Variants in GRIA3 observed in about 807,000 individuals in gnomAD.
The protein encoded by GRIA3 is glutamate ionotropic receptor AMPA type subunit 3.
In GRIA3, 3 loss-of-function variants were observed where a neutral mutation model predicts 63.0. The observed-to-expected ratio is 0.05, with a 90% CI of 0.02 to 0.12. The LOEUF (loss-of-function observed/expected upper bound fraction) is 0.12. Among genes scored for constraint, GRIA3 ranks in the 10% least tolerant of loss-of-function variants. The pLI, the probability that GRIA3 is intolerant of heterozygous loss-of-function variation, is 1.00. For synonymous variants in GRIA3, 274 were observed against 257.9 expected (o/e 1.06, Z -0.60); for missense variants, 347 against 700.9 (o/e 0.50, Z 5.70).
In GRIA3 at chrX:123,240,483, C is replaced by A. The variant is rs1164763903; in HGVS notation, c.269-12820C>A. Among the ~76,000 whole-genome samples the A allele has an allele frequency of 2.7e-5, 3 of 111,691 alleles. No individual in the cohort carries two copies. In the South Asian group the frequency reaches 1.1e-3, roughly 42 times the overall value. ...CCAATCCTGGGTATTGTGAAGATGG[C>A]TTTTCAAGAGTTGCTGTCCATCAGG... On this transcript the variant is annotated intron_variant, in intron 2 of 15. Transcript: ENST00000620443.
intron 2 of GRIA3, among the ~76,000 whole-genome samples, chrX:123,203,308 G>A (rs1927795294): frequency 9.0e-6 from 1 of 111,559 alleles, no homozygotes; most frequent in Non-Finnish European, 1.9e-5. Context: ...ATGCGTTATG[G>A]AAGAAAAAAA....
chrX:123,184,295 C>A lies in GRIA3; in HGVS notation c.-241C>A, dbSNP rs1927179263. The A allele has an allele frequency of 4.8e-5, 19 of 393,905 alleles. No homozygotes were observed. The highest frequency in any genetic ancestry group is 7.6e-5 in the Non-Finnish European group (17 of 225,012). The allele number at this position is 393,905 out of a possible 1,213,427, so 32.5% of individuals were successfully genotyped here. On this transcript the variant is annotated 5_prime_UTR_variant, in exon 1 of 16. Coordinates refer to ENST00000620443, the MANE Select transcript of GRIA3 (RefSeq NM_007325.5). ...GAGGGAGCAAGAAAGGAAGAGAGAG[C>A]GAGCGAGAGAGAGCGAGCGAATAAG...
chrX:123,303,958 G>A lies in GRIA3; in HGVS notation c.509-22068G>A, dbSNP rs143708235. 3.2e-4 allele frequency among the ~76,000 whole-genome samples: 35 copies of A among 111,068 alleles called. No individual in the cohort carries two copies. The East Asian group carries it at 9.4e-3, about 30-fold the overall frequency. ...AAAAAAAAATGATTTCAAAAGGAGC[G>A]GGTGATATCAGGGATTTAGTAAAAG... On this transcript the variant is annotated intron_variant, in intron 3 of 15. Coordinates refer to ENST00000620443, the MANE Select transcript of GRIA3 (RefSeq NM_007325.5).
At chrX:123,263,110 A>G (rs2044469473) in intron 3 of GRIA3, among the ~76,000 whole-genome samples, 1 of 112,484 alleles carries the variant, frequency 8.9e-6, no homozygotes, top group Admixed American at 9.4e-5. Flanking sequence ...GCAATTTGCA[A>G]CAAAATCAAC....
At chrX:123,375,875 T>C (rs1212553182) in intron 5 of GRIA3, among the ~76,000 whole-genome samples, 1 of 112,379 alleles carries the variant, frequency 8.9e-6, no homozygotes, top group Non-Finnish European at 1.9e-5. Flanking sequence ...TCATGTCTGT[T>C]GTCCTATTTT....
intron 12 of GRIA3, among the ~76,000 whole-genome samples, chrX:123,460,103 T>C (rs2147426937): frequency 8.9e-6 from 1 of 112,451 alleles, no homozygotes; most frequent in African/African-American, 3.2e-5. Flanking sequence ...CAAGCACTGC[T>C]ATTTATTCTC....
intron 4 of GRIA3, among the ~76,000 whole-genome samples, chrX:123,326,791 T>C (rs1375684692): frequency 9.0e-6 from 1 of 111,562 alleles, no homozygotes; most frequent in Admixed American, 9.5e-5. Flanking sequence ...TTTAAGACCA[T>C]TTTTTCCCAT....
intron 4 of GRIA3, among the ~76,000 whole-genome samples, chrX:123,340,381 C>T (rs2045001255): frequency 8.9e-6 from 1 of 112,543 alleles, no homozygotes; most frequent in Non-Finnish European, 1.9e-5. Context: ...GGATGATGTG[C>T]ACTCTAAGAA....
intron 11 of GRIA3, among the ~76,000 whole-genome samples, chrX:123,420,739 T>C (rs761657964): frequency 9.0e-6 from 1 of 111,559 alleles, no homozygotes; most frequent in African/African-American, 3.2e-5. Context: ...ATTCATTAAG[T>C]AATAACTTAA....
At position 123,220,606 on chromosome X, in the gene GRIA3, A is replaced by T. The variant is rs181561878; in HGVS notation, c.269-32697A>T. Among the ~76,000 whole-genome samples, 602 of 111,625 alleles carry T rather than the reference A, an allele frequency of 5.4e-3. 4 individuals carry two copies. Among genetic ancestry groups the T allele is most frequent in the South Asian group, 0.038 (99 of 2,593 alleles). Reference sequence around the variant, plus strand: ...TACTGTCAACCTTGCACTAATATAAATGGATTCCTCCTTGTGCTAAAGGGA... The same window carrying T: ...TACTGTCAACCTTGCACTAATATAATTGGATTCCTCCTTGTGCTAAAGGGA... On this transcript the variant is annotated intron_variant, in intron 2 of 15. Transcript: ENST00000620443.
At chrX:123,224,788 A>T (rs1007454413) in intron 2 of GRIA3, among the ~76,000 whole-genome samples, 2 of 111,961 alleles carry the variant, frequency 1.8e-5, no homozygotes, top group Non-Finnish European at 3.8e-5. Context: ...ATTTTAAATC[A>T]TTTAAATATT....
At chrX:123,274,212 A>G (rs770076741) in intron 3 of GRIA3, among the ~76,000 whole-genome samples, 49 of 112,756 alleles carry the variant, frequency 4.3e-4, no homozygotes, top group Admixed American at 1.0e-3. Flanking sequence ...TTTGTTGTTT[A>G]TTTGAAATTC....
At chrX:123,384,765 T>C (rs754065922) in intron 5 of GRIA3, among the ~76,000 whole-genome samples, 1 of 112,733 alleles carries the variant, frequency 8.9e-6, no homozygotes, top group Non-Finnish European at 1.9e-5. Flanking sequence ...TGAGCTTTTT[T>C]TCATGTGCTT....
chrX:123,364,187 A>C (rs1045829225), intron 5 of GRIA3, among the ~76,000 whole-genome samples: 2 of 112,485 alleles, frequency 1.8e-5, no homozygotes, highest in Admixed American at 1.9e-4. Context: ...AAATAATAAG[A>C]TAGGCTTAAC....
intron 14 of GRIA3, among the ~76,000 whole-genome samples, chrX:123,482,041 T>C (rs780109359): frequency 5.3e-5 from 6 of 112,211 alleles, no homozygotes; most frequent in Non-Finnish European, 1.1e-4. Flanking sequence ...TAGGACCCGA[T>C]GGATCCTCTG....
chrX:123,224,895 C>G (rs1482552687), intron 2 of GRIA3, among the ~76,000 whole-genome samples: 1 of 111,792 alleles, frequency 8.9e-6, no homozygotes, highest in East Asian at 2.8e-4. Context: ...TTCCCATATC[C>G]AAATCATAGT....
intron 2 of GRIA3, among the ~76,000 whole-genome samples, chrX:123,208,291 G>C (rs930922014): frequency 3.3e-4 from 37 of 112,257 alleles, no homozygotes; most frequent in African/African-American, 1.2e-3. Context: ...CTGGGAGCCA[G>C]TTGTCCTGGG....
intron 3 of GRIA3, among the ~76,000 whole-genome samples, chrX:123,283,109 G>A (rs911261456): frequency 3.6e-5 from 4 of 111,528 alleles, no homozygotes; most frequent in African/African-American, 1.3e-4. Flanking sequence ...CCAAAGCAGG[G>A]TGGGGCATTG....
intron 2 of GRIA3, among the ~76,000 whole-genome samples, chrX:123,250,004 C>T (rs1321399737): frequency 3.6e-5 from 4 of 111,721 alleles, no homozygotes; most frequent in Non-Finnish European, 7.5e-5. Flanking sequence ...CAATATGACT[C>T]CCTTGATATA....
Sources: allele counts gnomAD v4.1 joint callset (sites outside exome capture counted in the v4.1 genomes callset), GRCh38; gene constraint gnomAD v4.1.1; transcripts MANE v1.5; gene names NCBI Gene and HGNC (gene_info 2026-07-23, HGNC 2026-07-21).